IGF1R: variants seen among roughly 807,000 people sequenced by gnomAD.
IGF1R encodes the protein insulin like growth factor 1 receptor, also known as insulin-like growth factor 1 receptor.
IGF1R carries 44 observed loss-of-function variants against 144.6 expected under a neutral mutation model. The observed-to-expected ratio is 0.30, with a 90% CI of 0.24 to 0.39. The LOEUF (loss-of-function observed/expected upper bound fraction) is 0.39. Among genes scored for constraint, IGF1R ranks in the 10% least tolerant of loss-of-function variants. The pLI is 1.00. For missense variants in IGF1R, 1,355 were observed against 1,833.7 expected, an observed-to-expected ratio of 0.74 and a Z score of 4.77; for synonymous variants, 795 against 722.8, an observed-to-expected ratio of 1.10 and a Z score of -1.60.
At chr15:98,954,882 G>A (rs1350596931) in intron 20 of IGF1R, among the ~76,000 whole-genome samples, 1 of 152,218 alleles carries the variant, frequency 6.6e-6, no homozygotes, top group African/African-American at 2.4e-5. Context: ...CCACATCCCT[G>A]TGACATCTGT....
chr15:98,924,160 C>G, intron 12 of IGF1R, 148 bp downstream of exon 12: 1 of 811,032 alleles, frequency 1.2e-6, no homozygotes, highest in Non-Finnish European at 2.1e-6. Context: ...GTCTTTCTAC[C>G]CACTCTGTAC....
At chr15:98,924,430 G>C (rs2015621346) in intron 12 of IGF1R, 95 bp from the exon 13 acceptor site, 2 of 1,141,090 alleles carry the variant, frequency 1.8e-6, no homozygotes, top group African/African-American at 1.5e-5. Flanking sequence ...GGTCAGATCA[G>C]GCAGCTGGAG....
Position 98,891,424 on chromosome 15 carries a change from C to T in IGF1R, c.740C>T (p.Ala247Val), listed in dbSNP as rs2151644422. Residue 247 changes from alanine (A) to valine (V), a missense_variant, in exon 3 of 21, where the codon GCC becomes GTC. Physicochemically the swap from Ala to Val is moderately conservative, Grantham distance 64. Coordinates refer to ENST00000650285, the MANE Select transcript of IGF1R (RefSeq NM_000875.5). This position sits in a 1 kb window ranked among gnomAD's most constrained non-coding sequence, Gnocchi z 4.7. The part of the protein sequence containing the change: ...GSCSAPDNDT[A>V]CVACRHYYYA... ...TGCAGCGCGCCTGACAACGACACGG[C>T]CTGTGTAGCTTGCCGCCACTACTAC... 6.2e-7 allele frequency: 1 copy of T among 1,613,834 alleles called. No individual in the cohort carries two copies. Among genetic ancestry groups the T allele is most frequent in the South Asian group, 1.1e-5 (1 of 91,070 alleles).
intron 2 of IGF1R, among the ~76,000 whole-genome samples, chr15:98,843,620 C>A (rs1385951547): frequency 6.6e-6 from 1 of 152,102 alleles, no homozygotes; most frequent in Non-Finnish European, 1.5e-5. Context: ...CCTAGCTTTT[C>A]TTCCTTCTTA....
chr15:98,905,918 G>A (rs539922103), intron 5 of IGF1R, among the ~76,000 whole-genome samples: 2 of 152,244 alleles, frequency 1.3e-5, no homozygotes, highest in South Asian at 2.1e-4. Flanking sequence ...GCTGTGGCTC[G>A]AAAAACAAGC....
In IGF1R at chr15:98,781,210, A is replaced by G. The variant is rs552954348; in HGVS notation, c.640+73103A>G. Among the ~76,000 whole-genome samples the G allele has an allele frequency of 5.3e-5, 8 of 152,324 alleles. No homozygotes were observed. In the East Asian group the frequency reaches 1.5e-3, roughly 29 times the overall value. ...TATTATCAATGTCACTTCTTCCCAA[A>G]TTGATTTATAATTTAAAAACAATTT... On this transcript the variant is annotated intron_variant, in intron 2 of 20. Transcript: ENST00000650285.
Position 98,869,945 on chromosome 15 carries a change from C to T in IGF1R, c.641-21380C>T, listed in dbSNP as rs540213931. Among the ~76,000 whole-genome samples the T allele has an allele frequency of 1.3e-3, 197 of 152,226 alleles. 1 individual carries two copies. Among genetic ancestry groups the T allele is most frequent in the Admixed American group, 4.8e-3 (73 of 15,288 alleles). On this transcript the variant is annotated intron_variant, in intron 2 of 20. Coordinates refer to ENST00000650285, the MANE Select transcript of IGF1R (RefSeq NM_000875.5). Reference sequence around the variant, plus strand: ...CAAATAAAAATAAGGAATGGTGTCCCGCAAGGAGCTTACAATGTGTGCATT... The same window carrying T: ...CAAATAAAAATAAGGAATGGTGTCCTGCAAGGAGCTTACAATGTGTGCATT...
intron 2 of IGF1R, among the ~76,000 whole-genome samples, chr15:98,814,324 G>C (rs181077994): frequency 1.6e-3 from 237 of 152,068 alleles, no homozygotes; most frequent in African/African-American, 5.5e-3. Flanking sequence ...CACTGCTTTC[G>C]GTGCCCTTAT....
At chr15:98,909,058 A>AG (rs2014867521) in intron 6 of IGF1R, among the ~76,000 whole-genome samples, 159 bp downstream of exon 6, 1 of 152,198 alleles carries the variant, frequency 6.6e-6, no homozygotes, top group Non-Finnish European at 1.5e-5. Flanking sequence ...CTTATATGTC[A>AG]TCACAATCAG....
chr15:98,871,672 A>G (rs929803166), intron 2 of IGF1R, among the ~76,000 whole-genome samples: 2 of 152,172 alleles, frequency 1.3e-5, no homozygotes, highest in African/African-American at 2.4e-5. Flanking sequence ...CAGCCAAGAG[A>G]AGAAGAGCTT....
intron 19 of IGF1R, among the ~76,000 whole-genome samples, chr15:98,947,001 G>A (rs1348866289): frequency 9.9e-5 from 15 of 152,250 alleles, no homozygotes; most frequent in Non-Finnish European, 4.4e-5. Context: ...CATTTCAGAT[G>A]TGTGGGTACT....
intron 2 of IGF1R, among the ~76,000 whole-genome samples, chr15:98,815,710 G>T (rs1024898972): frequency 2.6e-5 from 4 of 152,116 alleles, no homozygotes; most frequent in Non-Finnish European, 5.9e-5. Flanking sequence ...CTGTGTGTTG[G>T]AGTGTTTTCG....
chr15:98,799,206 A>G (rs1439322593), intron 2 of IGF1R, among the ~76,000 whole-genome samples: 1 of 152,142 alleles, frequency 6.6e-6, no homozygotes, highest in African/African-American at 2.4e-5. Flanking sequence ...GGTATAATTC[A>G]TGTGCCTCCC....
chr15:98,830,614 T>A (rs2056984291), intron 2 of IGF1R, among the ~76,000 whole-genome samples: 1 of 151,128 alleles, frequency 6.6e-6, no homozygotes. Context: ...TCTTTTTTTT[T>A]TTTTTTTTAG....
At chr15:98,741,332 G>A (rs1212454862) in intron 2 of IGF1R, among the ~76,000 whole-genome samples, 1 of 140,536 alleles carries the variant, frequency 7.1e-6, no homozygotes, top group Non-Finnish European at 1.5e-5. Context: ...GAAACTTTTA[G>A]ATGCTACGTA....
At chr15:98,840,341 T>C (rs1020580469) in intron 2 of IGF1R, among the ~76,000 whole-genome samples, 10 of 152,230 alleles carry the variant, frequency 6.6e-5, no homozygotes, top group African/African-American at 2.4e-4. Context: ...AAGGTTTTTA[T>C]AGTGTCCTGT....
chr15:98,829,910 TGA>T (rs2056969888), intron 2 of IGF1R, among the ~76,000 whole-genome samples: 1 of 152,196 alleles, frequency 6.6e-6, no homozygotes, highest in Admixed American at 6.5e-5. Flanking sequence ...ATTATGAAAA[TGA>T]GAGTGTGAAA....
chr15:98,928,878 C>T (rs894751754), intron 13 of IGF1R, among the ~76,000 whole-genome samples: 3 of 151,928 alleles, frequency 2.0e-5, no homozygotes, highest in African/African-American at 4.8e-5. Flanking sequence ...ATGTCTGCAG[C>T]GGCATTGGAA....
intron 2 of IGF1R, among the ~76,000 whole-genome samples, chr15:98,872,750 G>C (rs1292599466): frequency 6.6e-6 from 1 of 151,948 alleles, no homozygotes; most frequent in African/African-American, 2.4e-5. Context: ...TTCTTGCATG[G>C]GCACAGCCTG....
Sources: gnomAD v4.1 joint callset for allele counts (sites outside exome capture counted in the v4.1 genomes callset) on GRCh38, gnomAD v4.1.1 for gene constraint, Gnocchi (gnomAD v3.1) non-coding constraint, MANE v1.5 for transcripts, NCBI Gene and HGNC (gene_info 2026-07-23, HGNC 2026-07-21) for gene names.